ERBB4: variants seen among roughly 807,000 people sequenced by gnomAD.
ERBB4 encodes erb-b2 receptor tyrosine kinase 4.
Under a neutral mutation model 158.0 loss-of-function variants are expected in ERBB4, and 42 were observed. The observed-to-expected ratio is 0.27, with a 90% CI of 0.21 to 0.34. The LOEUF is 0.34. ERBB4 is among the 10% of genes least tolerant of loss of function. The pLI is 1.00. For missense variants in ERBB4, 1,333 were observed against 1,624.1 expected, an observed-to-expected ratio of 0.82 and a Z score of 3.08; for synonymous variants, 583 against 558.7, an observed-to-expected ratio of 1.04 and a Z score of -0.61.
At chr2:212,522,338 A>G (rs1483004020) in intron 1 of ERBB4, among the ~76,000 whole-genome samples, 1 of 152,012 alleles carries the variant, frequency 6.6e-6, no homozygotes, top group Non-Finnish European at 1.5e-5. Flanking sequence ...ACTAGATATT[A>G]TGATTTCTTG....
chr2:212,440,682 T>C (rs2092235109), intron 1 of ERBB4, among the ~76,000 whole-genome samples: 1 of 152,116 alleles, frequency 6.6e-6, no homozygotes, highest in African/African-American at 2.4e-5. Flanking sequence ...CTTCTAATCA[T>C]ATGGAGAACA....
intron 4 of ERBB4, among the ~76,000 whole-genome samples, chr2:211,783,448 T>C (rs542579003): frequency 5.9e-5 from 9 of 152,334 alleles, no homozygotes; most frequent in African/African-American, 2.2e-4. Flanking sequence ...CTTGTGCCAG[T>C]TTTCAAAGCG....
Position 211,520,383 on chromosome 2 carries a change from A to T in ERBB4, c.2487+41520T>A, listed in dbSNP as rs191679058. On this transcript the variant is annotated intron_variant, in intron 20 of 27. Transcript: ENST00000342788. ...CAGGGAGAAGACGACATATTCAATA[A>T]AGAAGAGATTATGTAAAACATGGGT... 9.6e-4 allele frequency among the ~76,000 whole-genome samples: 146 copies of T among 152,278 alleles called. 1 individual carries two copies. The highest frequency in any genetic ancestry group is 3.2e-3 in the African/African-American group (134 of 41,572).
At chr2:212,070,152 G>A (rs1204969298) in intron 2 of ERBB4, among the ~76,000 whole-genome samples, 3 of 151,774 alleles carry the variant, frequency 2.0e-5, no homozygotes, top group South Asian at 4.1e-4. Context: ...TTTTTAAAAA[G>A]TACAAGACTT....
At chr2:212,435,317 A>G (rs959080098) in intron 1 of ERBB4, among the ~76,000 whole-genome samples, 2 of 151,978 alleles carry the variant, frequency 1.3e-5, no homozygotes, top group Non-Finnish European at 2.9e-5. Flanking sequence ...GGGAATATCA[A>G]CGGAGTTGTT....
At chr2:211,424,103 C>G in intron 23 of ERBB4, 52 bp downstream of exon 23, 1 of 1,510,460 alleles carries the variant, frequency 6.6e-7, no homozygotes. Flanking sequence ...GTAATCTCTG[C>G]TATTACTTTA....
chr2:211,565,599 T>TG (rs1374947801), intron 19 of ERBB4, among the ~76,000 whole-genome samples: 1 of 152,116 alleles, frequency 6.6e-6, no homozygotes, highest in Non-Finnish European at 1.5e-5. Context: ...TAAAGCTACT[T>TG]GGGAGGACAT....
intron 3 of ERBB4, among the ~76,000 whole-genome samples, chr2:211,801,023 C>A (rs1229924553): frequency 6.6e-6 from 1 of 152,128 alleles, no homozygotes; most frequent in Non-Finnish European, 1.5e-5. Flanking sequence ...AGCTGTATTT[C>A]TAAAAATATA....
chr2:211,638,506 G>T (rs2070445377), intron 16 of ERBB4, among the ~76,000 whole-genome samples: 1 of 152,074 alleles, frequency 6.6e-6, no homozygotes, highest in Admixed American at 6.6e-5. Context: ...GACGAGACCT[G>T]GGGTATTACA....
intron 1 of ERBB4, among the ~76,000 whole-genome samples, chr2:212,448,174 A>C (rs960328698): frequency 2.6e-5 from 4 of 152,166 alleles, no homozygotes; most frequent in African/African-American, 7.2e-5. Context: ...CACTCTTTTA[A>C]GGTATACTTG....
Position 211,490,071 on chromosome 2 carries a change from C to T in ERBB4, c.2488-58971G>A, listed in dbSNP as rs576016918. Reference sequence around the variant, plus strand: ...CCTCCTATGTGAATGGGATTAAGCTCTTATTAAAGAAGCTTCACATAGCAT... The same window carrying T: ...CCTCCTATGTGAATGGGATTAAGCTTTTATTAAAGAAGCTTCACATAGCAT... On this transcript the variant is annotated intron_variant, in intron 20 of 27. Transcript: ENST00000342788. Among the ~76,000 whole-genome samples, 9 of 152,086 alleles carry T rather than the reference C, an allele frequency of 5.9e-5. No individual in the cohort carries two copies. The East Asian group carries it at 7.8e-4, about 13-fold the overall frequency.
intron 12 of ERBB4, among the ~76,000 whole-genome samples, chr2:211,682,292 G>C (rs2072379546): frequency 6.6e-6 from 1 of 152,026 alleles, no homozygotes; most frequent in Non-Finnish European, 1.5e-5. Flanking sequence ...TCCAAGAGTA[G>C]GAGAAAGATC....
intron 20 of ERBB4, among the ~76,000 whole-genome samples, chr2:211,473,269 G>C (rs967629832): frequency 6.6e-6 from 1 of 151,988 alleles, no homozygotes; most frequent in Non-Finnish European, 1.5e-5. Context: ...CTGGAAGCTG[G>C]AAGAAGCAAG....
intron 1 of ERBB4, among the ~76,000 whole-genome samples, chr2:212,514,482 T>C (rs1227107429): frequency 6.6e-6 from 1 of 152,220 alleles, no homozygotes; most frequent in Non-Finnish European, 1.5e-5. Context: ...ATTATATACA[T>C]ACATCAACTC....
At position 211,699,185 on chromosome 2, in the gene ERBB4, G is replaced by A. The variant is rs142866425; in HGVS notation, c.1489+2782C>T. Reference sequence around the variant, plus strand: ...CATGTAAATGTAGGTGAGCATGTAAGGGTGTGTATGCACGGATATGTTTTC... The same window carrying A: ...CATGTAAATGTAGGTGAGCATGTAAAGGTGTGTATGCACGGATATGTTTTC... On this transcript the variant is annotated intron_variant, in intron 12 of 27. Coordinates refer to ENST00000342788, the MANE Select transcript of ERBB4 (RefSeq NM_005235.3). Among the ~76,000 whole-genome samples the A allele has an allele frequency of 2.2e-3, 339 of 152,290 alleles. 2 individuals are homozygous for A. The highest frequency in any genetic ancestry group is 7.6e-3 in the African/African-American group (315 of 41,554).
intron 1 of ERBB4, among the ~76,000 whole-genome samples, chr2:212,235,419 A>G (rs986443915): frequency 1.3e-5 from 2 of 151,414 alleles, no homozygotes; most frequent in African/African-American, 4.8e-5. Context: ...TGATGCCTCC[A>G]GGTTTTTGCA....
intron 3 of ERBB4, among the ~76,000 whole-genome samples, chr2:211,796,332 T>G (rs1575160081): frequency 1.3e-5 from 2 of 152,018 alleles, no homozygotes; most frequent in East Asian, 3.9e-4. Flanking sequence ...TTCATTGTTG[T>G]GTGGTATTCC....
rs561977521 is a variant in ERBB4 at position 212,441,141 on chromosome 2, A to G, written c.82+97308T>C. Among the ~76,000 whole-genome samples, 6 of 152,332 alleles carry G rather than the reference A, an allele frequency of 3.9e-5. No homozygotes were observed. The South Asian group carries it at 1.2e-3, about 32-fold the overall frequency. On this transcript the variant is annotated intron_variant, in intron 1 of 27. Coordinates refer to ENST00000342788, the MANE Select transcript of ERBB4 (RefSeq NM_005235.3). Reference sequence around the variant, plus strand: ...AGACCCTGCATCTCGGAATGGGCACATGTGGGAGGATTCTGATGAAGCTGG... The same window carrying G: ...AGACCCTGCATCTCGGAATGGGCACGTGTGGGAGGATTCTGATGAAGCTGG...
chr2:212,102,112 A>G (rs1389936473), intron 2 of ERBB4, among the ~76,000 whole-genome samples: 15 of 144,512 alleles, frequency 1.0e-4, no homozygotes, highest in Non-Finnish European at 2.0e-4. Flanking sequence ...ATATATATAT[A>G]TGTCAGGTCA....
Sources: allele counts gnomAD v4.1 joint callset (sites outside exome capture counted in the v4.1 genomes callset), GRCh38; gene constraint gnomAD v4.1.1; transcripts MANE v1.5; gene names NCBI Gene and HGNC (gene_info 2026-07-23, HGNC 2026-07-21).